GID4: variants seen among roughly 807,000 people sequenced by gnomAD.
GID4 encodes the protein GID complex subunit 4 homolog.
A neutral mutation model predicts 32.4 loss-of-function variants in GID4; 7 were observed. The ratio of observed to expected loss-of-function variants is 0.22; its 90% confidence interval spans 0.12 to 0.41. The LOEUF (loss-of-function observed/expected upper bound fraction) is 0.41, where lower values mean the gene tolerates loss of function less well. GID4 is among the 10% of genes least tolerant of loss of function. The pLI, the probability that GID4 is intolerant of heterozygous loss-of-function variation, is 1.00. For synonymous variants in GID4, 166 were observed against 170.0 expected (o/e 0.98, Z 0.18); for missense variants, 309 against 400.0 (o/e 0.77, Z 1.94).
At chr17:18,053,264 C>T (rs909442276) in intron 2 of GID4, among the ~76,000 whole-genome samples, 2 of 150,070 alleles carry the variant, frequency 1.3e-5, no homozygotes, top group Non-Finnish European at 3.0e-5. Flanking sequence ...CCTCCCACCT[C>T]GGCCTCCCAA....
rs777727235 is a variant in GID4 at position 18,058,848 on chromosome 17, ACT to A, written c.607-15_607-14del. 54 of 1,468,742 alleles carry A rather than the reference ACT, an allele frequency of 3.7e-5. No individual in the cohort carries two copies. The highest frequency in any genetic ancestry group is 5.1e-5 in the Non-Finnish European group (53 of 1,048,012). 91.0% of individuals were successfully genotyped at this position (1,468,742 alleles called of 1,614,324 possible). A position where few individuals can be genotyped will look rare whatever the true frequency, so the allele number is the denominator to read the frequency against. On this transcript the variant is annotated intron_variant, in intron 3 of 5. Transcript: ENST00000268719. Reference sequence around the variant, plus strand: ...TCTCCTTCTCTCAGTCAATCGGCACACTCTCTTTTCTGCTTTCAGGGCAAGTT... The same window carrying A: ...TCTCCTTCTCTCAGTCAATCGGCACACTCTTTTCTGCTTTCAGGGCAAGTT...
At chr17:18,050,470 G>A (rs990345319) in intron 2 of GID4, among the ~76,000 whole-genome samples, 3 of 152,222 alleles carry the variant, frequency 2.0e-5, no homozygotes, top group African/African-American at 7.2e-5. Context: ...TTACCTGGGA[G>A]CCCAGCCTTT....
At chr17:18,057,009 T>G (rs1392496137) in intron 3 of GID4, 2 of 1,547,196 alleles carry the variant, frequency 1.3e-6, no homozygotes, top group Non-Finnish European at 1.7e-6. Flanking sequence ...AGGCTGTCAT[T>G]TTTTCATTAT....
At chr17:18,059,743 T>C (rs1331427479) in intron 4 of GID4, among the ~76,000 whole-genome samples, 1 of 152,142 alleles carries the variant, frequency 6.6e-6, no homozygotes, top group Non-Finnish European at 1.5e-5. Flanking sequence ...AGATGAATCA[T>C]ATTGAGTTGC....
chr17:18,065,781 T>G lies in GID4; in HGVS notation c.*538T>G, dbSNP rs558383614. Reference sequence around the variant, plus strand: ...AGGGCACAAGAGGCGGAGGCTCCAGTCCCTGCTGGGCTGCCTCAGTCTTCA... The same window carrying G: ...AGGGCACAAGAGGCGGAGGCTCCAGGCCCTGCTGGGCTGCCTCAGTCTTCA... On this transcript the variant is annotated 3_prime_UTR_variant, in exon 6 of 6. Transcript: ENST00000268719. The G allele has an allele frequency of 4.7e-4, 87 of 186,622 alleles. No homozygotes were observed. The highest frequency in any genetic ancestry group is 8.9e-4 in the Non-Finnish European group (79 of 89,142). 11.6% of individuals were successfully genotyped at this position (186,622 alleles called of 1,614,324 possible). A position where few individuals can be genotyped will look rare whatever the true frequency, so the allele number is the denominator to read the frequency against.
chr17:18,055,964 C>T (rs2044963251), intron 3 of GID4, among the ~76,000 whole-genome samples: 1 of 152,214 alleles, frequency 6.6e-6, no homozygotes, highest in African/African-American at 2.4e-5. Context: ...AAGTGATTCT[C>T]ATCTCTCAGC....
At chr17:18,051,450 A>G (rs8080334) in intron 2 of GID4, among the ~76,000 whole-genome samples, 90,511 of 151,618 alleles carry the variant, frequency 0.6, 28,064 homozygotes, top group Non-Finnish European at 0.68. Flanking sequence ...AGGCCGAGGC[A>G]GGTGGATCAC....
chr17:18,052,887 A>G (rs2044926060), intron 2 of GID4, among the ~76,000 whole-genome samples: 1 of 152,066 alleles, frequency 6.6e-6, no homozygotes, highest in African/African-American at 2.4e-5. Context: ...TTCTTAGTTC[A>G]TGTGACAGAA....
chr17:18,047,873 G>A (rs1209471963), intron 2 of GID4, among the ~76,000 whole-genome samples: 2 of 151,738 alleles, frequency 1.3e-5, no homozygotes, highest in Non-Finnish European at 2.9e-5. Flanking sequence ...GGTTTTTAGT[G>A]TATTCACAAA....
intron 5 of GID4, 148 bp downstream of exon 5, chr17:18,062,123 C>T (rs963053020): frequency 1.4e-6 from 1 of 720,408 alleles, no homozygotes; most frequent in Non-Finnish European, 2.3e-6. Context: ...TTTCAGTGAT[C>T]TCAGTTGCTC....
At chr17:18,043,352 T>G (rs974428574) in intron 1 of GID4, among the ~76,000 whole-genome samples, 8 of 152,362 alleles carry the variant, frequency 5.3e-5, no homozygotes, top group Admixed American at 5.2e-4. Context: ...AATTTACATT[T>G]CAATTTTTAA....
chr17:18,056,629 C>G lies in GID4; in HGVS notation c.607-2239C>G. The G allele has an allele frequency of 4.2e-6, 6 of 1,435,496 alleles. No homozygotes were observed. The South Asian group carries it at 8.0e-5, about 19-fold the overall frequency. The allele number at this position is 1,435,496 out of a possible 1,614,324, so 88.9% of individuals were successfully genotyped here. The stretch of plus-strand genomic sequence containing the variant: ...AAAGTCTTTGAGGCCCAGTGACACT[C>G]AGTTTTAGGCTAGGTTGACTACAAA... On this transcript the variant is annotated intron_variant, in intron 3 of 5. Coordinates refer to ENST00000268719, the MANE Select transcript of GID4 (RefSeq NM_024052.5).
At chr17:18,056,923 T>C in intron 3 of GID4, 1 of 1,550,576 alleles carries the variant, frequency 6.4e-7, no homozygotes, top group Admixed American at 2.0e-5. Context: ...ACTCCCAGGT[T>C]CCCACGTGGG....
intron 3 of GID4, among the ~76,000 whole-genome samples, chr17:18,057,877 A>T (rs1369730216): frequency 6.6e-6 from 1 of 151,520 alleles, no homozygotes; most frequent in Non-Finnish European, 1.5e-5. Flanking sequence ...TCTGTTGCCC[A>T]TGCTGGAGTG....
Position 18,059,522 on chromosome 17 carries a change from C to T in GID4, c.708+553C>T, listed in dbSNP as rs528282753. 2.6e-5 allele frequency among the ~76,000 whole-genome samples: 4 copies of T among 152,258 alleles called. No homozygotes were observed. The South Asian group carries it at 8.3e-4, about 32-fold the overall frequency. On this transcript the variant is annotated intron_variant, in intron 4 of 5. Coordinates refer to ENST00000268719, the MANE Select transcript of GID4 (RefSeq NM_024052.5). ...GAACACGGGTTTTTGACTCAGCAGACCTCAGAGAGCCCCACCTGACTGACT... is the reference window on the plus strand; with the variant it reads ...GAACACGGGTTTTTGACTCAGCAGATCTCAGAGAGCCCCACCTGACTGACT...
Position 18,065,171 on chromosome 17 carries a change from C to G in GID4, c.840-9C>G, listed in dbSNP as rs762896603. On this transcript the variant is annotated splice_polypyrimidine_tract_variant and intron_variant, in intron 5 of 5. Coordinates refer to ENST00000268719, the MANE Select transcript of GID4 (RefSeq NM_024052.5). ...ACTACCTCCCGTTTCTGTCTCCTCC[C>G]CCTTGCAGGTATCAGTCCCTCAATC... 4 of 1,611,128 alleles carry G rather than the reference C, an allele frequency of 2.5e-6. No individual in the cohort carries two copies. In the Admixed American group the frequency reaches 6.7e-5, roughly 27 times the overall value.
At position 18,045,101 on chromosome 17, in the gene GID4, A is replaced by AT. The variant is rs1567584567; in HGVS notation, c.439-46_439-45insT. 5 of 1,479,866 alleles carry AT rather than the reference A, an allele frequency of 3.4e-6. No homozygotes were observed. The South Asian group carries it at 5.6e-5, about 17-fold the overall frequency. 91.7% of individuals were successfully genotyped at this position (1,479,866 alleles called of 1,614,324 possible). A position where few individuals can be genotyped will look rare whatever the true frequency, so the allele number is the denominator to read the frequency against. ...CAGAGTACCCTCCTGCATGTCCCCT[A>AT]GTAAGTTTATCTATTTGTGACAGGC... On this transcript the variant is annotated intron_variant, in intron 1 of 5. Coordinates refer to ENST00000268719, the MANE Select transcript of GID4 (RefSeq NM_024052.5).
At chr17:18,040,575 C>G (rs993362704) in intron 1 of GID4, among the ~76,000 whole-genome samples, 1 of 152,154 alleles carries the variant, frequency 6.6e-6, no homozygotes, top group Non-Finnish European at 1.5e-5. Flanking sequence ...CCCTGTTCCA[C>G]TCACTGCTTC....
intron 4 of GID4, among the ~76,000 whole-genome samples, chr17:18,060,076 C>T (rs1294746628): frequency 9.0e-6 from 1 of 111,470 alleles, no homozygotes; most frequent in African/African-American, 3.6e-5. Flanking sequence ...CAGAGCAAGA[C>T]TCCATCTCAA....
Sources: allele counts gnomAD v4.1 joint callset (sites outside exome capture counted in the v4.1 genomes callset), GRCh38; gene constraint gnomAD v4.1.1; transcripts MANE v1.5; gene names NCBI Gene and HGNC (gene_info 2026-07-23, HGNC 2026-07-21).